Variants in RPS6KA2 observed in about 807,000 individuals in gnomAD.
RPS6KA2 encodes the protein ribosomal protein S6 kinase alpha-2.
RPS6KA2 carries 42 observed loss-of-function variants against 91.8 expected under a neutral mutation model. The ratio of observed to expected loss-of-function variants is 0.46; its 90% CI spans 0.36 to 0.59. The LOEUF is 0.59. RPS6KA2 is among the 20% of genes least tolerant of loss of function. RPS6KA2 has a pLI of 0.00. For synonymous variants in RPS6KA2, 414 were observed against 393.6 expected, an observed-to-expected ratio of 1.05 and a Z score of -0.61; for missense variants, 798 against 978.5, an observed-to-expected ratio of 0.82 and a Z score of 2.46.
At chr6:166,699,522 G>A (rs1021789611) in intron 2 of RPS6KA2, among the ~76,000 whole-genome samples, 4 of 152,180 alleles carry the variant, frequency 2.6e-5, no homozygotes, top group Non-Finnish European at 5.9e-5. Context: ...ATGAGGCAGA[G>A]TGATCTTTTT....
chr6:166,500,948 G>A lies in RPS6KA2; in HGVS notation c.567-24C>T, dbSNP rs1782005138. 2 of 1,611,884 alleles carry A rather than the reference G, an allele frequency of 1.2e-6. No individual in the cohort carries two copies. Among genetic ancestry groups the A allele is most frequent in the Non-Finnish European group, 1.7e-6 (2 of 1,178,220 alleles). On this transcript the variant is annotated intron_variant, in intron 6 of 20. Coordinates refer to ENST00000265678, the MANE Select transcript of RPS6KA2 (RefSeq NM_021135.6). This position sits in a 1 kb window ranked among gnomAD's most constrained non-coding sequence, Gnocchi z 4.3. ...TGCTAAAAGAAAGGGAGAGAAAACA[G>A]ATGCTTTAGAAAGAGACCCAGCCTG...
At chr6:166,783,765 CAT>C (rs201300363) in intron 2 of RPS6KA2, among the ~76,000 whole-genome samples, 5,700 of 146,014 alleles carry the variant, frequency 0.039, 603 homozygotes, top group African/African-American at 0.14. Flanking sequence ...CACATATACA[CAT>C]GTGCACATCT....
chr6:166,415,805 T>C (rs1239511507), intron 19 of RPS6KA2, among the ~76,000 whole-genome samples: 1 of 152,052 alleles, frequency 6.6e-6, no homozygotes, highest in Non-Finnish European at 1.5e-5. Context: ...GCTCACTAAA[T>C]GCCAGCTGCC....
intron 1 of RPS6KA2, among the ~76,000 whole-genome samples, chr6:166,590,465 A>T (rs1460297693): frequency 2.6e-5 from 4 of 152,198 alleles, no homozygotes; most frequent in Non-Finnish European, 4.4e-5. Context: ...GGCGAGGAGC[A>T]TGACTTAGGG....
In RPS6KA2 at chr6:166,481,097, A is replaced by G. The variant is rs567465578; in HGVS notation, c.907+7736T>C. ...TTAAGCTACAGTGAAATTCTGGGAA[A>G]TTCTCTGCAGGAAAAGAGAATAATT... On this transcript the variant is annotated intron_variant, in intron 10 of 20. Transcript: ENST00000265678. 3.3e-5 allele frequency among the ~76,000 whole-genome samples: 5 copies of G among 152,386 alleles called. No homozygotes were observed. In the South Asian group the frequency reaches 1.0e-3, roughly 32 times the overall value.
chr6:166,505,500 A>G (rs1376102636), intron 5 of RPS6KA2, among the ~76,000 whole-genome samples: 2 of 152,246 alleles, frequency 1.3e-5, no homozygotes, highest in African/African-American at 4.8e-5. Flanking sequence ...CGTCAGGAGA[A>G]ATCAATGTTA....
chr6:166,674,072 T>C (rs1788554178), intron 2 of RPS6KA2, among the ~76,000 whole-genome samples: 1 of 152,248 alleles, frequency 6.6e-6, no homozygotes, highest in Non-Finnish European at 1.5e-5. Flanking sequence ...TTGTTGATTC[T>C]TCTTTCTGAT....
intron 2 of RPS6KA2, among the ~76,000 whole-genome samples, chr6:166,698,369 A>T (rs928002868): frequency 6.6e-6 from 1 of 152,178 alleles, no homozygotes; most frequent in Non-Finnish European, 1.5e-5. Flanking sequence ...AGCAAGGTCA[A>T]CCTCTGGAGA....
At chr6:166,762,256 T>G (rs1397816146) in intron 2 of RPS6KA2, among the ~76,000 whole-genome samples, 3 of 152,162 alleles carry the variant, frequency 2.0e-5, no homozygotes, top group African/African-American at 7.2e-5. Context: ...ACATTCTCCC[T>G]CAGACGCAAA....
At chr6:166,704,734 T>C (rs912286439) in intron 2 of RPS6KA2, among the ~76,000 whole-genome samples, 6 of 152,228 alleles carry the variant, frequency 3.9e-5, no homozygotes, top group Non-Finnish European at 7.3e-5. Flanking sequence ...CTCGCTGGCG[T>C]CACTGCATTT....
chr6:166,841,514 A>T (rs1263638723), intron 2 of RPS6KA2, among the ~76,000 whole-genome samples: 1 of 152,266 alleles, frequency 6.6e-6, no homozygotes, highest in Non-Finnish European at 1.5e-5. Flanking sequence ...ATAGGAGGGT[A>T]AGGTGAGAAC....
intron 2 of RPS6KA2, among the ~76,000 whole-genome samples, chr6:166,781,902 G>T (rs2128610652): frequency 6.6e-6 from 1 of 152,330 alleles, no homozygotes; most frequent in Non-Finnish European, 1.5e-5. Context: ...GGCCTGTCCT[G>T]TGCATGCTAG....
intron 2 of RPS6KA2, among the ~76,000 whole-genome samples, chr6:166,703,357 G>A (rs113827989): frequency 4.0e-4 from 61 of 152,334 alleles, no homozygotes; most frequent in African/African-American, 1.4e-3. Flanking sequence ...AGGGGTGCTC[G>A]CTTTGTTTGG....
intron 1 of RPS6KA2, among the ~76,000 whole-genome samples, chr6:166,553,584 A>T (rs910114996): frequency 6.7e-6 from 1 of 150,062 alleles, no homozygotes; most frequent in Non-Finnish European, 1.5e-5. Flanking sequence ...AGTGGGAAGG[A>T]CTCAGAGACA....
At chr6:166,427,854 T>C (rs1029257278) in intron 16 of RPS6KA2, among the ~76,000 whole-genome samples, 2 of 152,224 alleles carry the variant, frequency 1.3e-5, no homozygotes, top group African/African-American at 4.8e-5. Context: ...AGAATCAATA[T>C]CGTGAAAATG....
At chr6:166,660,735 C>T (rs144187125) in intron 2 of RPS6KA2, among the ~76,000 whole-genome samples, 85 of 152,304 alleles carry the variant, frequency 5.6e-4, no homozygotes, top group African/African-American at 2.0e-3. Context: ...CCAATCTCTT[C>T]CCTTAGTGCT....
At chr6:166,646,509 G>A (rs960697845) in intron 2 of RPS6KA2, among the ~76,000 whole-genome samples, 3 of 152,246 alleles carry the variant, frequency 2.0e-5, no homozygotes, top group Non-Finnish European at 4.4e-5. Context: ...CTTTATTCAT[G>A]ACATTGCATC....
At chr6:166,824,776 C>CATGTGTGTCTAT (rs1562458518) in intron 2 of RPS6KA2, among the ~76,000 whole-genome samples, 1 of 18,962 alleles carries the variant, frequency 5.3e-5, no homozygotes, top group Non-Finnish European at 1.1e-4. Context: ...TGTGTGTCTA[C>CATGTGTGTCTAT]GTGTGTGTCT....
chr6:166,776,636 A>T (rs1778627381), intron 2 of RPS6KA2, among the ~76,000 whole-genome samples: 1 of 152,112 alleles, frequency 6.6e-6, no homozygotes, highest in Admixed American at 6.5e-5. Context: ...TGCTCTGGGC[A>T]TTTGGTATAG....
Sources: gnomAD v4.1 joint callset for allele counts (sites outside exome capture counted in the v4.1 genomes callset) on GRCh38, gnomAD v4.1.1 for gene constraint, Gnocchi (gnomAD v3.1) non-coding constraint, MANE v1.5 for transcripts, NCBI Gene and HGNC (gene_info 2026-07-23, HGNC 2026-07-21) for gene names.